NALF1: variants seen among roughly 807,000 people sequenced by gnomAD.
NALF1 encodes the protein family with sequence similarity 155 member A.
Under a neutral mutation model 48.4 loss-of-function variants are expected in NALF1, and 3 were observed. That is an observed-to-expected ratio of 0.06 (90% CI 0.03 to 0.16). The LOEUF (loss-of-function observed/expected upper bound fraction) is 0.16, where lower values mean the gene tolerates loss of function less well. NALF1 is among the 10% of genes least tolerant of loss of function. NALF1 has a pLI of 1.00. For missense variants in NALF1, 526 were observed against 571.5 expected (o/e 0.92, Z 0.81); for synonymous variants, 262 against 245.7 (o/e 1.07, Z -0.62).
At chr13:107,530,958 A>G (rs1182215414) in intron 1 of NALF1, among the ~76,000 whole-genome samples, 2 of 152,008 alleles carry the variant, frequency 1.3e-5, no homozygotes. Context: ...TTATGTAAAA[A>G]CTGTTAAAGG....
chr13:107,353,569 A>G (rs900860834), intron 1 of NALF1, among the ~76,000 whole-genome samples: 3 of 152,212 alleles, frequency 2.0e-5, no homozygotes, highest in Non-Finnish European at 4.4e-5. Context: ...CGAAATTCAT[A>G]AGAAGTTCAT....
At chr13:107,831,695 G>A (rs976524687) in intron 1 of NALF1, among the ~76,000 whole-genome samples, 2 of 152,114 alleles carry the variant, frequency 1.3e-5, no homozygotes, top group African/African-American at 4.8e-5. Flanking sequence ...CTGATTTCAG[G>A]GAAGACATTT....
chr13:107,687,274 A>G (rs1040681455), intron 1 of NALF1, among the ~76,000 whole-genome samples: 2 of 152,074 alleles, frequency 1.3e-5, no homozygotes, highest in African/African-American at 4.8e-5. Flanking sequence ...AAAGATGGAA[A>G]CAACAGACAC....
chr13:107,764,939 T>TAC (rs1877380395), intron 1 of NALF1, among the ~76,000 whole-genome samples: 2 of 152,328 alleles, frequency 1.3e-5, no homozygotes, highest in South Asian at 4.1e-4. Flanking sequence ...TAATTTATCT[T>TAC]ACTACGTGGG....
chr13:107,169,973 TC>T lies in NALF1; in HGVS notation c.*523del, dbSNP rs1255529790. ...TTTTATTTTTATTTTTTTGTTGTTT[TC>T]TTTTTTTTGTCTTTTTTATTTTTTA... On this transcript the variant is annotated 3_prime_UTR_variant, in exon 3 of 3. Transcript: ENST00000375915. 3 of 152,634 alleles carry T rather than the reference TC, an allele frequency of 2.0e-5. No individual in the cohort carries two copies. The highest frequency in any genetic ancestry group is 7.2e-5 in the African/African-American group (3 of 41,426). 9.5% of individuals were successfully genotyped at this position (152,634 alleles called of 1,614,324 possible).
At chr13:107,233,007 C>T (rs191058503) in intron 1 of NALF1, among the ~76,000 whole-genome samples, 29 of 152,254 alleles carry the variant, frequency 1.9e-4, no homozygotes, top group Admixed American at 1.6e-3. Context: ...TGGATCCAAA[C>T]GGACCACCTT....
At chr13:107,268,517 A>T (rs1881090495) in intron 1 of NALF1, among the ~76,000 whole-genome samples, 1 of 152,194 alleles carries the variant, frequency 6.6e-6, no homozygotes, top group African/African-American at 2.4e-5. Flanking sequence ...CCTGGTTGTG[A>T]TAATTGTACT....
chr13:107,168,253 C>T lies in NALF1; in HGVS notation c.*2244G>A, dbSNP rs1878707539. On this transcript the variant is annotated 3_prime_UTR_variant, in exon 3 of 3. Coordinates refer to ENST00000375915, the MANE Select transcript of NALF1 (RefSeq NM_001080396.3). ...TCAGGAATCACTTGCAGCCTCAATT[C>T]CTCTGCTTCTCGTCCCCCCAGCGCC... 6.6e-6 allele frequency: 1 copy of T among 152,220 alleles called. No homozygotes were observed. The highest frequency in any genetic ancestry group is 1.5e-5 in the Non-Finnish European group (1 of 68,108). 9.4% of individuals were successfully genotyped at this position (152,220 alleles called of 1,614,324 possible).
chr13:107,322,198 T>C (rs1163640433), intron 1 of NALF1, among the ~76,000 whole-genome samples: 2 of 152,178 alleles, frequency 1.3e-5, no homozygotes, highest in Non-Finnish European at 2.9e-5. Flanking sequence ...AGTTGCTATT[T>C]TTCCTCTTCA....
chr13:107,844,723 CT>C (rs1453849865), intron 1 of NALF1, among the ~76,000 whole-genome samples: 1 of 152,112 alleles, frequency 6.6e-6, no homozygotes, highest in African/African-American at 2.4e-5. Flanking sequence ...GTTTAAATTA[CT>C]TTTTCCCTAG....
intron 1 of NALF1, among the ~76,000 whole-genome samples, chr13:107,625,314 TAAGA>T (rs1294573686): frequency 6.6e-6 from 1 of 152,126 alleles, no homozygotes; most frequent in East Asian, 1.9e-4. Flanking sequence ...CCTTAATGAT[TAAGA>T]AAGATGTTGA....
chr13:107,305,545 C>A (rs1226989041), intron 1 of NALF1, among the ~76,000 whole-genome samples: 1 of 152,140 alleles, frequency 6.6e-6, no homozygotes, highest in Non-Finnish European at 1.5e-5. Flanking sequence ...GAGGATAATG[C>A]TTGTAATCCA....
At chr13:107,741,488 G>T (rs1594238683) in intron 1 of NALF1, among the ~76,000 whole-genome samples, 1 of 148,478 alleles carries the variant, frequency 6.7e-6, no homozygotes, top group East Asian at 2.0e-4. Flanking sequence ...GTATGTAGGA[G>T]CAATCAGGTG....
chr13:107,725,012 G>A (rs1272729435), intron 1 of NALF1, among the ~76,000 whole-genome samples: 1 of 152,166 alleles, frequency 6.6e-6, no homozygotes, highest in Non-Finnish European at 1.5e-5. Context: ...AGAGATAGAA[G>A]TTAATAGATA....
At chr13:107,701,840 C>T (rs1262555712) in intron 1 of NALF1, among the ~76,000 whole-genome samples, 1 of 151,834 alleles carries the variant, frequency 6.6e-6, no homozygotes, top group Non-Finnish European at 1.5e-5. Context: ...ATTTTGTAAG[C>T]CTCAAATATA....
intron 1 of NALF1, among the ~76,000 whole-genome samples, chr13:107,416,040 T>C (rs955355342): frequency 6.6e-6 from 1 of 151,696 alleles, no homozygotes; most frequent in Non-Finnish European, 1.5e-5. Context: ...GGTGTCTCGC[T>C]CTGTCGCCCA....
chr13:107,618,076 T>C lies in NALF1; in HGVS notation c.915+247606A>G, dbSNP rs146726383. ...AAGAACACAAATGCATTTAAAGCTA[T>C]TGACAGATCAGGCTAAGTGCTGTGG... On this transcript the variant is annotated intron_variant, in intron 1 of 2. Transcript: ENST00000375915. 2.9e-3 allele frequency among the ~76,000 whole-genome samples: 448 copies of C among 152,144 alleles called. 2 individuals carry two copies. Among genetic ancestry groups the C allele is most frequent in the African/African-American group, 0.01 (430 of 41,520 alleles).
chr13:107,503,282 G>GT (rs1205029695), intron 1 of NALF1, among the ~76,000 whole-genome samples: 5 of 138,532 alleles, frequency 3.6e-5, no homozygotes, highest in African/African-American at 1.0e-4. Context: ...GCTTAATAAT[G>GT]TAAGTTTTCA....
chr13:107,632,084 G>A (rs1213675486), intron 1 of NALF1, among the ~76,000 whole-genome samples: 2 of 152,122 alleles, frequency 1.3e-5, no homozygotes, highest in African/African-American at 4.8e-5. Flanking sequence ...ATGTTTGGTT[G>A]ACAAAACATC....
Sources: allele counts gnomAD v4.1 joint callset (sites outside exome capture counted in the v4.1 genomes callset), GRCh38; gene constraint gnomAD v4.1.1; transcripts MANE v1.5; gene names NCBI Gene and HGNC (gene_info 2026-07-23, HGNC 2026-07-21).